DIAPH3: variants seen among roughly 807,000 people sequenced by gnomAD.
DIAPH3 encodes the protein diaphanous related formin 3.
A neutral mutation model predicts 144.3 loss-of-function variants in DIAPH3; 117 were observed. The observed-to-expected ratio is 0.81, with a 90% CI of 0.70 to 0.95. The LOEUF is 0.95. Ranked by LOEUF, DIAPH3 falls within the 40% of genes least tolerant of loss-of-function variation. The probability of loss-of-function intolerance (pLI) is 0.00; values close to 1 mark genes in which losing one functional copy is unlikely to be tolerated. For missense variants in DIAPH3, 1,421 were observed against 1,412.7 expected (o/e 1.01, Z -0.09); for synonymous variants, 519 against 488.9 (o/e 1.06, Z -0.81).
rs996653124 is a variant in DIAPH3, at chr13:60,046,515, A to G, written c.496-3695T>C. ...TGTGTAGAAATAGGAACACTTTTACACTGTTGGTGAGAGTGTAAATAGTTC... is the reference window on the plus strand; with the variant it reads ...TGTGTAGAAATAGGAACACTTTTACGCTGTTGGTGAGAGTGTAAATAGTTC... On this transcript the variant is annotated intron_variant, in intron 4 of 27. Transcript: ENST00000400324. Among the ~76,000 whole-genome samples the G allele has an allele frequency of 5.9e-5, 9 of 152,176 alleles. 1 individual carries two copies. The highest frequency in any genetic ancestry group is 5.2e-4 in the Admixed American group (8 of 15,280).
At chr13:59,708,243 G>A (rs942392462) in intron 27 of DIAPH3, among the ~76,000 whole-genome samples, 2 of 151,604 alleles carry the variant, frequency 1.3e-5, no homozygotes, top group Non-Finnish European at 2.9e-5. Flanking sequence ...AAAAAAAAAC[G>A]TTTTAGAGAT....
chr13:59,833,486 G>C (rs576681869), intron 23 of DIAPH3, among the ~76,000 whole-genome samples: 6 of 151,572 alleles, frequency 4.0e-5, no homozygotes, highest in African/African-American at 2.4e-5. Context: ...GAAATCATTA[G>C]AAAAGATTTA....
chr13:60,035,738 T>C (rs1286695856), intron 5 of DIAPH3, among the ~76,000 whole-genome samples: 2 of 152,114 alleles, frequency 1.3e-5, no homozygotes, highest in Non-Finnish European at 1.5e-5. Context: ...GTCAAAACAA[T>C]AAAGAACAAT....
intron 27 of DIAPH3, among the ~76,000 whole-genome samples, chr13:59,740,082 A>G (rs2139039821): frequency 6.6e-6 from 1 of 152,292 alleles, no homozygotes. Context: ...ACATGCCAAT[A>G]ATGAAACTTC....
chr13:59,990,268 T>A (rs2051726043), intron 12 of DIAPH3, among the ~76,000 whole-genome samples: 1 of 151,826 alleles, frequency 6.6e-6, no homozygotes, highest in Non-Finnish European at 1.5e-5. Context: ...GTCTCCTCCT[T>A]GCTTGTTAGG....
At chr13:59,966,828 C>T (rs1405669391) in intron 17 of DIAPH3, among the ~76,000 whole-genome samples, 1 of 152,058 alleles carries the variant, frequency 6.6e-6, no homozygotes, top group Non-Finnish European at 1.5e-5. Flanking sequence ...TCAGTCCAAA[C>T]AGTTACTACT....
chr13:59,794,021 C>T (rs1003041708), intron 25 of DIAPH3, among the ~76,000 whole-genome samples: 3 of 152,162 alleles, frequency 2.0e-5, no homozygotes, highest in Non-Finnish European at 4.4e-5. Flanking sequence ...CTTGACTACC[C>T]ATACAACCAT....
At chr13:59,962,504 T>C (rs76637238) in intron 17 of DIAPH3, among the ~76,000 whole-genome samples, 2 of 152,176 alleles carry the variant, frequency 1.3e-5, no homozygotes, top group African/African-American at 4.8e-5. Context: ...TCCTTAGCTT[T>C]TGAGTCCAGG....
At chr13:60,142,597 G>A (rs1166255281) in intron 1 of DIAPH3, among the ~76,000 whole-genome samples, 3 of 152,066 alleles carry the variant, frequency 2.0e-5, no homozygotes, top group African/African-American at 2.4e-5. Flanking sequence ...TGCTCCACAC[G>A]TGTGCGAGTC....
intron 22 of DIAPH3, among the ~76,000 whole-genome samples, chr13:59,858,890 A>G (rs1161541043): frequency 6.6e-6 from 1 of 152,174 alleles, no homozygotes; most frequent in African/African-American, 2.4e-5. Context: ...TCATACAGGT[A>G]AGCTCATTAG....
chr13:59,775,089 T>C (rs2038331053), intron 25 of DIAPH3, among the ~76,000 whole-genome samples: 1 of 152,220 alleles, frequency 6.6e-6, no homozygotes, highest in Non-Finnish European at 1.5e-5. Flanking sequence ...GCTTTTATAG[T>C]CCAACAGCAC....
chr13:59,999,695 C>T (rs2052411591), intron 9 of DIAPH3, among the ~76,000 whole-genome samples: 1 of 152,128 alleles, frequency 6.6e-6, no homozygotes, highest in Non-Finnish European at 1.5e-5. Context: ...GTCAAGCTCT[C>T]TTAGAATTTC....
At chr13:59,713,238 GTT>G (rs143626961) in intron 27 of DIAPH3, among the ~76,000 whole-genome samples, 3 of 140,848 alleles carry the variant, frequency 2.1e-5, no homozygotes, top group African/African-American at 2.6e-5. Context: ...TAATCTGAAG[GTT>G]TTTTTTTTTT....
At chr13:60,009,293 G>A (rs2053088859) in intron 8 of DIAPH3, among the ~76,000 whole-genome samples, 1 of 152,068 alleles carries the variant, frequency 6.6e-6, no homozygotes, top group South Asian at 2.1e-4. Context: ...CGTGGACATG[G>A]GCATGCAGTC....
chr13:59,792,470 C>G (rs1363776282), intron 25 of DIAPH3, among the ~76,000 whole-genome samples: 1 of 152,158 alleles, frequency 6.6e-6, no homozygotes, highest in East Asian at 1.9e-4. Context: ...ATGTTAATAT[C>G]TAATCCAACA....
rs1186645691 is a variant in DIAPH3 at position 59,879,445 on chromosome 13, C to T, written c.2391G>A (p.Arg797=). The change falls in exon 21 of 28, where the codon CGG becomes CGA. Residue 797 remains arginine (R), a synonymous_variant. Transcript: ENST00000400324. ...TAAAGAGAATAGCACTGAGCCGTGG[C>T]CGTAGTCTCTTCACATTGCTCATCT... ...VVVMSNVKRL[R]PRLSAILFKL... The T allele has an allele frequency of 6.2e-7, 1 of 1,613,630 alleles. No individual in the cohort carries two copies. The highest frequency in any genetic ancestry group is 1.7e-5 in the Admixed American group (1 of 59,946).
chr13:59,986,989 G>A (rs2051431599), intron 12 of DIAPH3, among the ~76,000 whole-genome samples: 1 of 151,766 alleles, frequency 6.6e-6, no homozygotes, highest in Non-Finnish European at 1.5e-5. Flanking sequence ...ATACCCAAAT[G>A]ACTATAAATC....
chr13:59,687,812 C>A (rs1235930931), intron 27 of DIAPH3, among the ~76,000 whole-genome samples: 1 of 151,968 alleles, frequency 6.6e-6, no homozygotes, highest in Non-Finnish European at 1.5e-5. Flanking sequence ...CCATTATTAC[C>A]CACTGGGAAT....
Position 60,016,093 on chromosome 13 carries a change from C to T in DIAPH3, c.679G>A (p.Glu227Lys). ...EGLGLLLDILEKLISGKIQEK... is the reference protein window; with the variant it reads ...EGLGLLLDILKKLISGKIQEK... ...TACATTTTTCCACTAATCAGTTTTT[C>T]CAAAATGTCTAATAATAATCCAAGC... is the stretch of plus-strand genomic sequence containing the variant. The change falls in exon 6 of 28, where the codon GAA becomes AAA. Residue 227 changes from glutamate (E) to lysine (K), a missense_variant. Glu to Lys is a moderately conservative substitution (Grantham distance 56). Coordinates refer to ENST00000400324, the MANE Select transcript of DIAPH3 (RefSeq NM_001042517.2). 5.6e-6 allele frequency: 9 copies of T among 1,613,562 alleles called. No individual in the cohort carries two copies. Among genetic ancestry groups the T allele is most frequent in the Non-Finnish European group, 6.8e-6 (8 of 1,179,762 alleles).
Sources: allele counts gnomAD v4.1 joint callset (sites outside exome capture counted in the v4.1 genomes callset), GRCh38; gene constraint gnomAD v4.1.1; transcripts MANE v1.5; gene names NCBI Gene and HGNC (gene_info 2026-07-23, HGNC 2026-07-21).